The following ADCY9 variants were observed in gnomAD, a reference collection of about 807,000 sequenced individuals.
The protein encoded by ADCY9 is adenylate cyclase type 9.
Under a neutral mutation model 101.5 loss-of-function variants are expected in ADCY9, and 50 were observed. That is an observed-to-expected ratio of 0.49 (90% CI 0.39 to 0.62). ADCY9 has a LOEUF of 0.62. Among genes scored for constraint, ADCY9 ranks in the 20% least tolerant of loss-of-function variants. The pLI, the probability that ADCY9 is intolerant of heterozygous loss-of-function variation, is 0.00. For missense variants in ADCY9, 1,662 were observed against 1,800.4 expected, an observed-to-expected ratio of 0.92 and a Z score of 1.39; for synonymous variants, 905 against 769.3, an observed-to-expected ratio of 1.18 and a Z score of -2.92.
chr16:4,023,187 C>T (rs66801518), intron 2 of ADCY9, among the ~76,000 whole-genome samples: 7,863 of 152,286 alleles, frequency 0.052, 263 homozygotes, highest in Non-Finnish European at 0.082. Flanking sequence ...TCTATGGGAG[C>T]ACCCGCTGCA....
At position 4,083,314 on chromosome 16, in the gene ADCY9, G is replaced by C. The variant is rs1169002636; in HGVS notation, c.1693+30436C>G. On this transcript the variant is annotated intron_variant, in intron 2 of 10. Transcript: ENST00000294016. The stretch of plus-strand genomic sequence containing the variant: ...TTTTCTGTTTGTGTGGGATACAAAA[G>C]TGTCTTTCCACTAGTGTGGCTATAA... Among the ~76,000 whole-genome samples, 4 of 152,234 alleles carry C rather than the reference G, an allele frequency of 2.6e-5. No individual in the cohort carries two copies. The East Asian group carries it at 5.8e-4, about 22-fold the overall frequency.
At chr16:3,991,199 A>G (rs1156296781) in intron 5 of ADCY9, among the ~76,000 whole-genome samples, 1 of 152,192 alleles carries the variant, frequency 6.6e-6, no homozygotes, top group Non-Finnish European at 1.5e-5. Flanking sequence ...TATGTACAAG[A>G]TCTTCAAGTA....
At chr16:3,991,167 G>A (rs1355410917) in intron 5 of ADCY9, among the ~76,000 whole-genome samples, 1 of 152,138 alleles carries the variant, frequency 6.6e-6, no homozygotes, top group African/African-American at 2.4e-5. Context: ...TTAAATCTAG[G>A]GAATTCTGAT....
intron 2 of ADCY9, among the ~76,000 whole-genome samples, chr16:4,009,545 C>T (rs573759006): frequency 8.6e-4 from 131 of 152,318 alleles, no homozygotes; most frequent in Admixed American, 2.1e-3. Flanking sequence ...GTGTGAGCCA[C>T]CACACCTGGT....
chr16:4,093,647 C>T (rs2056986497), intron 2 of ADCY9, among the ~76,000 whole-genome samples: 1 of 152,138 alleles, frequency 6.6e-6, no homozygotes, highest in Non-Finnish European at 1.5e-5. Flanking sequence ...GTCCCAGCTA[C>T]TCAGGAGGCT....
intron 2 of ADCY9, among the ~76,000 whole-genome samples, chr16:4,089,030 G>A (rs1462815387): frequency 6.6e-6 from 1 of 151,950 alleles, no homozygotes; most frequent in Non-Finnish European, 1.5e-5. Context: ...TTGTGTGTAT[G>A]GATTTGCCTG....
intron 2 of ADCY9, among the ~76,000 whole-genome samples, chr16:4,076,794 T>C (rs2056870108): frequency 1.3e-5 from 2 of 152,186 alleles, no homozygotes; most frequent in African/African-American, 4.8e-5. Flanking sequence ...ATCAGCCTCC[T>C]GGCTGGGGGC....
At chr16:4,036,534 C>T (rs2056591698) in intron 2 of ADCY9, among the ~76,000 whole-genome samples, 1 of 141,206 alleles carries the variant, frequency 7.1e-6, no homozygotes, top group African/African-American at 2.6e-5. Flanking sequence ...GCAATCTCGG[C>T]TCACTGCAAC....
At chr16:4,111,890 C>T (rs1199006522) in intron 2 of ADCY9, among the ~76,000 whole-genome samples, 3 of 147,858 alleles carry the variant, frequency 2.0e-5, no homozygotes, top group South Asian at 2.1e-4. Flanking sequence ...CCCTGATCTA[C>T]AAACTTAAAA....
chr16:4,071,564 A>G (rs2056834966), intron 2 of ADCY9, among the ~76,000 whole-genome samples: 1 of 152,062 alleles, frequency 6.6e-6, no homozygotes, highest in South Asian at 2.1e-4. Flanking sequence ...TGGTCTTACT[A>G]TTATATATAT....
intron 2 of ADCY9, among the ~76,000 whole-genome samples, chr16:4,056,937 A>AGCTCTCCT (rs974698421): frequency 9.2e-5 from 14 of 151,512 alleles, no homozygotes; most frequent in African/African-American, 3.1e-4. Flanking sequence ...AAATTGCTAA[A>AGCTCTCCT]GCTCTCCTTC....
In ADCY9 at chr16:4,097,553, AT is replaced by A. The variant is rs35732229; in HGVS notation, c.1693+16196del. On this transcript the variant is annotated intron_variant, in intron 2 of 10. Transcript: ENST00000294016. ...CATATATATATATATATATATATAT[AT>A]TTTTTTTTTTTTTTTTTAAGACAGA... Among the ~76,000 whole-genome samples the A allele has an allele frequency of 4.1e-3, 219 of 53,378 alleles. 3 individuals are homozygous for A. Among genetic ancestry groups the A allele is most frequent in the Middle Eastern group, 0.015 (1 of 68 alleles). The allele number at this position is 53,378 out of a possible 152,430, so 35.0% of individuals were successfully genotyped here.
At chr16:4,113,255 C>G (rs1288358554) in intron 2 of ADCY9, among the ~76,000 whole-genome samples, 2 of 151,822 alleles carry the variant, frequency 1.3e-5, no homozygotes, top group Non-Finnish European at 2.9e-5. Flanking sequence ...ACCTGCAGGA[C>G]TGCGCCGACT....
At chr16:4,003,832 G>A (rs902845661) in intron 3 of ADCY9, among the ~76,000 whole-genome samples, 8 of 152,012 alleles carry the variant, frequency 5.3e-5, no homozygotes, top group African/African-American at 1.7e-4. Context: ...GCTGACAGTG[G>A]CGTCCTCATG....
At chr16:4,084,035 G>A (rs2056921746) in intron 2 of ADCY9, among the ~76,000 whole-genome samples, 1 of 151,906 alleles carries the variant, frequency 6.6e-6, no homozygotes, top group African/African-American at 2.4e-5. Flanking sequence ...TTTTCTTTTT[G>A]ACACAGGGTC....
chr16:4,036,874 G>A (rs1393296881), intron 2 of ADCY9, among the ~76,000 whole-genome samples: 1 of 151,786 alleles, frequency 6.6e-6, no homozygotes, highest in Non-Finnish European at 1.5e-5. Flanking sequence ...CCCTTTAACC[G>A]ACTTCTCTTG....
intron 2 of ADCY9, among the ~76,000 whole-genome samples, chr16:4,014,894 G>A (rs2056427737): frequency 6.7e-6 from 1 of 150,074 alleles, no homozygotes; most frequent in South Asian, 2.1e-4. Context: ...CAGCCAAATG[G>A]GAATGACAGG....
intron 2 of ADCY9, among the ~76,000 whole-genome samples, chr16:4,042,706 C>A (rs1190859524): frequency 6.6e-6 from 1 of 152,184 alleles, no homozygotes; most frequent in Admixed American, 6.5e-5. Flanking sequence ...TCCTGCAAAA[C>A]GGAGCTAGAC....
intron 2 of ADCY9, among the ~76,000 whole-genome samples, chr16:4,055,426 C>T (rs565797182): frequency 2.6e-5 from 4 of 151,742 alleles, no homozygotes; most frequent in South Asian, 4.2e-4. Context: ...CCCAGCTACT[C>T]GGGAGGCTGA....
Sources: allele counts gnomAD v4.1 joint callset (sites outside exome capture counted in the v4.1 genomes callset), GRCh38; gene constraint gnomAD v4.1.1; transcripts MANE v1.5; gene names NCBI Gene and HGNC (gene_info 2026-07-23, HGNC 2026-07-21).